Variants in UNC5D observed in about 807,000 individuals in gnomAD.
UNC5D encodes the protein unc-5 netrin receptor D.
Under a neutral mutation model 105.4 loss-of-function variants are expected in UNC5D, and 39 were observed. The observed-to-expected ratio is 0.37, with a 90% CI of 0.29 to 0.48. The LOEUF (loss-of-function observed/expected upper bound fraction) is 0.48, where lower values mean the gene tolerates loss of function less well. Ranked by LOEUF, UNC5D falls within the 20% of genes least tolerant of loss-of-function variation. The pLI, the probability that UNC5D is intolerant of heterozygous loss-of-function variation, is 0.98. For missense variants in UNC5D, 991 were observed against 1,202.4 expected (o/e 0.82, Z 2.60); for synonymous variants, 452 against 450.4 (o/e 1.00, Z -0.04).
chr8:35,754,838 A>G (rs1323199768), intron 13 of UNC5D, among the ~76,000 whole-genome samples: 3 of 152,192 alleles, frequency 2.0e-5, no homozygotes, highest in Non-Finnish European at 4.4e-5. Context: ...GCTAAGACAT[A>G]ATTTAGTTTC....
intron 1 of UNC5D, among the ~76,000 whole-genome samples, chr8:35,283,304 A>C (rs2128852603): frequency 6.6e-6 from 1 of 152,312 alleles, no homozygotes; most frequent in African/African-American, 2.4e-5. Context: ...TTCACGGTCA[A>C]GTCTGTGCCT....
chr8:35,494,958 C>T (rs1425196983), intron 1 of UNC5D, among the ~76,000 whole-genome samples: 2 of 152,110 alleles, frequency 1.3e-5, no homozygotes, highest in African/African-American at 4.8e-5. Context: ...AGATTTTCTT[C>T]TCCACAGGGT....
At chr8:35,672,038 C>CACTG (rs1485549619) in intron 4 of UNC5D, among the ~76,000 whole-genome samples, 2 of 152,160 alleles carry the variant, frequency 1.3e-5, no homozygotes, top group African/African-American at 2.4e-5. Context: ...GCCTTTTACT[C>CACTG]ACTGACAGAA....
intron 16 of UNC5D, among the ~76,000 whole-genome samples, chr8:35,780,015 T>A (rs1255923243): frequency 6.6e-6 from 1 of 152,074 alleles, no homozygotes; most frequent in Non-Finnish European, 1.5e-5. Flanking sequence ...AACAGATTCA[T>A]GAGATGGGAA....
chr8:35,713,585 C>A (rs963046507), intron 8 of UNC5D, among the ~76,000 whole-genome samples: 1 of 152,164 alleles, frequency 6.6e-6, no homozygotes, highest in Non-Finnish European at 1.5e-5. Context: ...CATTTTTTAT[C>A]TGAAATTTAG....
chr8:35,601,115 T>C (rs909241561), intron 4 of UNC5D, among the ~76,000 whole-genome samples: 6 of 152,174 alleles, frequency 3.9e-5, no homozygotes, highest in African/African-American at 9.7e-5. Flanking sequence ...GTTGTAGATA[T>C]GCGGCATTAT....
intron 1 of UNC5D, among the ~76,000 whole-genome samples, chr8:35,338,121 C>G (rs140016079): frequency 1.4e-3 from 206 of 152,242 alleles, no homozygotes; most frequent in African/African-American, 4.8e-3. Context: ...AACTTTCATT[C>G]CTTGGTTGTC....
intron 3 of UNC5D, among the ~76,000 whole-genome samples, chr8:35,577,844 C>T (rs1353815409): frequency 2.6e-5 from 4 of 151,958 alleles, no homozygotes; most frequent in African/African-American, 9.7e-5. Flanking sequence ...TTAATGTCAC[C>T]GAAAATGGGT....
chr8:35,279,988 ACTTT>A (rs540619354), intron 1 of UNC5D, among the ~76,000 whole-genome samples: 11 of 152,086 alleles, frequency 7.2e-5, no homozygotes, highest in African/African-American at 1.4e-4. Context: ...AACTACCTTT[ACTTT>A]CTTTCTTTCT....
At chr8:35,405,090 A>T (rs564238381) in intron 1 of UNC5D, among the ~76,000 whole-genome samples, 88 of 152,344 alleles carry the variant, frequency 5.8e-4, no homozygotes, top group South Asian at 1.2e-3. Context: ...CTTTTTAGAA[A>T]CAATATGTGA....
chr8:35,403,582 G>A (rs942153963), intron 1 of UNC5D, among the ~76,000 whole-genome samples: 4 of 152,184 alleles, frequency 2.6e-5, no homozygotes, highest in African/African-American at 7.2e-5. Flanking sequence ...TAACAATTGA[G>A]CATCATAACA....
At chr8:35,653,614 A>G (rs1823558865) in intron 4 of UNC5D, among the ~76,000 whole-genome samples, 2 of 152,196 alleles carry the variant, frequency 1.3e-5, no homozygotes, top group African/African-American at 4.8e-5. Flanking sequence ...GCTACTTTGC[A>G]TGTAATTTCT....
At chr8:35,433,509 A>T (rs1563413624) in intron 1 of UNC5D, among the ~76,000 whole-genome samples, 1 of 152,196 alleles carries the variant, frequency 6.6e-6, no homozygotes, top group African/African-American at 2.4e-5. Context: ...TTCAAAAAAA[A>T]TAATAAAAAT....
intron 1 of UNC5D, among the ~76,000 whole-genome samples, chr8:35,326,889 TG>T (rs1276659903): frequency 6.6e-5 from 10 of 152,102 alleles, no homozygotes; most frequent in African/African-American, 2.4e-4. Context: ...GGCCTCTGGA[TG>T]TTGGCAAATA....
chr8:35,444,097 C>T (rs1252900983), intron 1 of UNC5D, among the ~76,000 whole-genome samples: 1 of 151,866 alleles, frequency 6.6e-6, no homozygotes, highest in African/African-American at 2.4e-5. Flanking sequence ...TTGGGGGAAC[C>T]TTTTTTTCAC....
intron 1 of UNC5D, among the ~76,000 whole-genome samples, chr8:35,496,967 A>T (rs1359037153): frequency 6.6e-6 from 1 of 152,106 alleles, no homozygotes; most frequent in Non-Finnish European, 1.5e-5. Flanking sequence ...TCCTACATTC[A>T]TGACTGAGGC....
At chr8:35,247,587 AAATATATAT>A (rs1378152176) in intron 1 of UNC5D, among the ~76,000 whole-genome samples, 16 of 106,102 alleles carry the variant, frequency 1.5e-4, no homozygotes, top group Non-Finnish European at 2.8e-4. Flanking sequence ...AAAATATATA[AAATATATAT>A]AATATATAAA....
chr8:35,534,786 T>G (rs1254151028), intron 1 of UNC5D, among the ~76,000 whole-genome samples: 1 of 151,974 alleles, frequency 6.6e-6, no homozygotes, highest in Non-Finnish European at 1.5e-5. Context: ...AATATATATT[T>G]GGGCTACAAA....
At chr8:35,363,168 C>G (rs564143503) in intron 1 of UNC5D, among the ~76,000 whole-genome samples, 1 of 152,114 alleles carries the variant, frequency 6.6e-6, no homozygotes, top group Admixed American at 6.6e-5. Context: ...AAGACATACC[C>G]GAGACTGGGC....
Sources: gnomAD v4.1 joint callset for allele counts (sites outside exome capture counted in the v4.1 genomes callset) on GRCh38, gnomAD v4.1.1 for gene constraint, MANE v1.5 for transcripts, NCBI Gene and HGNC (gene_info 2026-07-23, HGNC 2026-07-21) for gene names.